The following EBF1 variants were observed in gnomAD, a reference collection of about 807,000 sequenced individuals.
EBF1 encodes EBF transcription factor 1.
A neutral mutation model predicts 68.4 loss-of-function variants in EBF1; 10 were observed. The ratio of observed to expected loss-of-function variants is 0.15; its 90% confidence interval spans 0.09 to 0.25. EBF1 has a LOEUF of 0.25. Ranked by LOEUF, EBF1 falls within the 10% of genes least tolerant of loss-of-function variation. The probability of loss-of-function intolerance (pLI) is 1.00; values close to 1 mark genes in which losing one functional copy is unlikely to be tolerated. For missense variants in EBF1, 509 were observed against 794.4 expected (o/e 0.64, Z 4.32); for synonymous variants, 298 against 299.8 (o/e 0.99, Z 0.06).
At chr5:158,740,494 G>A (rs1766104144) in intron 10 of EBF1, among the ~76,000 whole-genome samples, 1 of 152,170 alleles carries the variant, frequency 6.6e-6, no homozygotes, top group Non-Finnish European at 1.5e-5. Context: ...CCCAAGAATG[G>A]TGATAAAAAA....
At chr5:158,869,164 G>A (rs1003015001) in intron 6 of EBF1, among the ~76,000 whole-genome samples, 4 of 152,154 alleles carry the variant, frequency 2.6e-5, no homozygotes, top group South Asian at 2.1e-4. Context: ...TCTGGCCGCC[G>A]TATGGAAGAA....
intron 6 of EBF1, among the ~76,000 whole-genome samples, chr5:158,907,952 T>C (rs1411629730): frequency 6.6e-6 from 1 of 152,066 alleles, no homozygotes; most frequent in Non-Finnish European, 1.5e-5. Context: ...CTGTGTTGAC[T>C]TTTCAGAAGT....
intron 14 of EBF1, among the ~76,000 whole-genome samples, chr5:158,709,433 C>T (rs960486964): frequency 6.6e-6 from 1 of 152,114 alleles, no homozygotes; most frequent in African/African-American, 2.4e-5. Flanking sequence ...CAAGGAATCA[C>T]GCCCAAATTT....
At chr5:158,935,379 C>T (rs569914014) in intron 6 of EBF1, among the ~76,000 whole-genome samples, 21 of 152,292 alleles carry the variant, frequency 1.4e-4, no homozygotes, top group East Asian at 3.9e-4. Context: ...ACAGCCACCC[C>T]GCTTGCCCAG....
chr5:159,008,620 G>C (rs1764032158), intron 6 of EBF1, among the ~76,000 whole-genome samples: 1 of 147,028 alleles, frequency 6.8e-6, no homozygotes, highest in African/African-American at 2.6e-5. Flanking sequence ...CAGCCTCCTG[G>C]GCTTCAACGA....
intron 7 of EBF1, among the ~76,000 whole-genome samples, chr5:158,839,507 C>A (rs907008384): frequency 6.6e-6 from 1 of 152,044 alleles, no homozygotes; most frequent in Non-Finnish European, 1.5e-5. Flanking sequence ...CTTAGCCTCC[C>A]GAGTAGCTGG....
intron 11 of EBF1, among the ~76,000 whole-genome samples, chr5:158,730,238 G>T (rs1041407691): frequency 6.6e-6 from 1 of 152,122 alleles, no homozygotes; most frequent in Non-Finnish European, 1.5e-5. Context: ...AACTTCCTTC[G>T]CATTTAACTG....
intron 6 of EBF1, among the ~76,000 whole-genome samples, chr5:159,039,467 C>T (rs975482356): frequency 6.6e-6 from 1 of 152,176 alleles, no homozygotes; most frequent in African/African-American, 2.4e-5. Flanking sequence ...GCATGCATTA[C>T]ATTTCCCTAC....
chr5:158,908,154 A>G (rs1805072709), intron 6 of EBF1, among the ~76,000 whole-genome samples: 1 of 152,172 alleles, frequency 6.6e-6, no homozygotes, highest in African/African-American at 2.4e-5. Context: ...CTCTCACTAT[A>G]TCCTCATCTT....
intron 6 of EBF1, among the ~76,000 whole-genome samples, chr5:158,865,799 C>T (rs1243049790): frequency 2.0e-5 from 3 of 152,150 alleles, no homozygotes; most frequent in Non-Finnish European, 4.4e-5. Flanking sequence ...TACATCTAGG[C>T]TCCAATTACT....
At chr5:158,760,558 A>C (rs1423465163) in intron 10 of EBF1, among the ~76,000 whole-genome samples, 4 of 152,058 alleles carry the variant, frequency 2.6e-5, no homozygotes, top group African/African-American at 9.7e-5. Flanking sequence ...TTATTTATTT[A>C]TTATTATTAT....
intron 6 of EBF1, 138 bp downstream of exon 6, chr5:159,073,258 G>A (rs1419012593): frequency 2.7e-5 from 21 of 792,028 alleles, no homozygotes; most frequent in East Asian, 7.5e-5. Flanking sequence ...AATCAAAATC[G>A]CTCAGCACAG....
At chr5:158,816,282 G>A (rs1783716339) in intron 8 of EBF1, among the ~76,000 whole-genome samples, 1 of 152,262 alleles carries the variant, frequency 6.6e-6, no homozygotes, top group African/African-American at 2.4e-5. Context: ...AAGACTGGAG[G>A]CAAGGCTAGG....
chr5:159,050,084 T>C (rs1773222117), intron 6 of EBF1, among the ~76,000 whole-genome samples: 1 of 152,070 alleles, frequency 6.6e-6, no homozygotes, highest in South Asian at 2.1e-4. Flanking sequence ...AAGGAGTATG[T>C]CAAGAAAGTG....
chr5:158,973,028 ATTTCTTC>A, intron 6 of EBF1, among the ~76,000 whole-genome samples: 1 of 152,086 alleles, frequency 6.6e-6, no homozygotes, highest in South Asian at 2.1e-4. Flanking sequence ...CTCCCCAAAT[ATTTCTTC>A]ACCCTATTTC....
intron 6 of EBF1, among the ~76,000 whole-genome samples, chr5:158,851,817 G>T: frequency 9.9e-6 from 1 of 101,330 alleles, no homozygotes; most frequent in Non-Finnish European, 2.0e-5. Flanking sequence ...GAAGGGAAGG[G>T]AATAGAAAGG....
At chr5:159,061,206 G>T (rs961704110) in intron 6 of EBF1, among the ~76,000 whole-genome samples, 3 of 151,962 alleles carry the variant, frequency 2.0e-5, no homozygotes, top group African/African-American at 7.3e-5. Context: ...CTGCTGATTT[G>T]GGGTTTGCCA....
intron 4 of EBF1, among the ~76,000 whole-genome samples, chr5:159,087,007 A>AC (rs1780752293): frequency 6.6e-6 from 1 of 152,064 alleles, no homozygotes; most frequent in African/African-American, 2.4e-5. Context: ...CATTTTAAAA[A>AC]ACACAGTAAA....
intron 6 of EBF1, among the ~76,000 whole-genome samples, chr5:158,877,811 C>A (rs963947768): frequency 1.3e-5 from 2 of 151,992 alleles, no homozygotes; most frequent in Non-Finnish European, 2.9e-5. Context: ...TCCATGGCTT[C>A]CTTTTCCAAT....
Sources: gnomAD v4.1 joint callset for allele counts (sites outside exome capture counted in the v4.1 genomes callset) on GRCh38, gnomAD v4.1.1 for gene constraint, MANE v1.5 for transcripts, NCBI Gene and HGNC (gene_info 2026-07-23, HGNC 2026-07-21) for gene names.